The following NCAM1 variants were observed in gnomAD, a reference collection of about 807,000 sequenced individuals.
NCAM1 encodes the protein neural cell adhesion molecule 1.
NCAM1 carries 14 observed loss-of-function variants against 109.8 expected under a neutral mutation model. That is an observed-to-expected ratio of 0.13 (90% CI 0.08 to 0.20). NCAM1 has a LOEUF of 0.20. Among genes scored for constraint, NCAM1 ranks in the 10% least tolerant of loss-of-function variants. The pLI is 1.00. For missense variants in NCAM1, 774 were observed against 1,109.9 expected (o/e 0.70, Z 4.30); for synonymous variants, 418 against 442.9 (o/e 0.94, Z 0.70).
chr11:112,992,786 C>T (rs782564957), intron 1 of NCAM1, among the ~76,000 whole-genome samples: 5 of 152,112 alleles, frequency 3.3e-5, no homozygotes, highest in African/African-American at 1.2e-4. Flanking sequence ...GGATTACAGG[C>T]GTGAGCCACC....
intron 1 of NCAM1, among the ~76,000 whole-genome samples, chr11:113,146,619 ACTAT>A (rs1297502983): frequency 1.3e-5 from 2 of 152,210 alleles, no homozygotes; most frequent in African/African-American, 4.8e-5. Context: ...GCTTGCAGAG[ACTAT>A]CTGTCTATAT....
intron 15 of NCAM1, among the ~76,000 whole-genome samples, chr11:113,255,633 G>T: frequency 7.0e-6 from 1 of 143,784 alleles, no homozygotes. Flanking sequence ...TTCCTAAAAT[G>T]GTGAAAGGAC....
intron 1 of NCAM1, among the ~76,000 whole-genome samples, chr11:113,078,058 G>A (rs187814670): frequency 2.0e-5 from 3 of 152,234 alleles, no homozygotes; most frequent in African/African-American, 2.4e-5. Flanking sequence ...CAATTAGTAC[G>A]ATCTTGGTGG....
intron 1 of NCAM1, among the ~76,000 whole-genome samples, chr11:112,982,336 G>A (rs1047235353): frequency 6.6e-6 from 1 of 151,908 alleles, no homozygotes; most frequent in Non-Finnish European, 1.5e-5. Flanking sequence ...GTGCTAGCTG[G>A]CAATGTATGC....
rs12270060 is a variant in NCAM1 at position 113,062,435 on chromosome 11, C to T, written c.52+100771C>T. Among the ~76,000 whole-genome samples the T allele has an allele frequency of 9.7e-3, 1,481 of 152,170 alleles. 19 individuals are homozygous for T. The highest frequency in any genetic ancestry group is 0.033 in the African/African-American group (1,377 of 41,510). On this transcript the variant is annotated intron_variant, in intron 1 of 19. Coordinates refer to ENST00000316851, the MANE Select transcript of NCAM1 (RefSeq NM_181351.5). ...TACTGAATGCCCGTGATGTTCTGGG[C>T]GCTGGATCTACAGAGAAAAACAAAA...
chr11:113,277,849 T>TAAAAAAAAAAAAA lies in NCAM1; in HGVS notation c.*2477_*2489dup, dbSNP rs56324717. On this transcript the variant is annotated 3_prime_UTR_variant, in exon 20 of 20. Coordinates refer to ENST00000316851, the MANE Select transcript of NCAM1 (RefSeq NM_181351.5). Reference sequence around the variant, plus strand: ...TCTCAGCATGCAAGAGTTTTTCCTTTAAAAAAAAAAAAAAAAAAAAAAAAA... The same window carrying TAAAAAAAAAAAAA: ...TCTCAGCATGCAAGAGTTTTTCCTTTAAAAAAAAAAAAAAAAAAAAAAAAAAAAAAAAAAAAAA... 1.4e-4 allele frequency: 9 copies of TAAAAAAAAAAAAA among 63,250 alleles called. No homozygotes were observed. The highest frequency in any genetic ancestry group is 4.4e-4 in the Admixed American group (2 of 4,550). The allele number at this position is 63,250 out of a possible 1,614,324, so 3.9% of individuals were successfully genotyped here.
intron 1 of NCAM1, among the ~76,000 whole-genome samples, chr11:113,185,079 T>TATAG: frequency 3.2e-4 from 40 of 125,758 alleles, no homozygotes; most frequent in African/African-American, 1.2e-3. Context: ...TATATATATA[T>TATAG]AGAGAGAGAG....
intron 1 of NCAM1, among the ~76,000 whole-genome samples, chr11:113,109,712 G>A (rs1940355284): frequency 6.6e-6 from 1 of 152,120 alleles, no homozygotes; most frequent in African/African-American, 2.4e-5. Flanking sequence ...TCTAGTGCAG[G>A]GAAACTGGGA....
At chr11:113,059,235 ATC>A (rs1953832544) in intron 1 of NCAM1, among the ~76,000 whole-genome samples, 2 of 152,154 alleles carry the variant, frequency 1.3e-5, no homozygotes, top group South Asian at 4.1e-4. Context: ...CTCAACCAAA[ATC>A]TCTTTAAATC....
chr11:113,229,378 A>G (rs1452311878), intron 9 of NCAM1, among the ~76,000 whole-genome samples: 3 of 152,254 alleles, frequency 2.0e-5, no homozygotes, highest in Non-Finnish European at 4.4e-5. Context: ...CAAAACCACA[A>G]TGCCATACTA....
chr11:112,985,715 T>C (rs1425959678), intron 1 of NCAM1, among the ~76,000 whole-genome samples: 1 of 151,900 alleles, frequency 6.6e-6, no homozygotes, highest in Non-Finnish European at 1.5e-5. Flanking sequence ...GTAGTTTGTT[T>C]TTAGTGTATA....
intron 1 of NCAM1, among the ~76,000 whole-genome samples, chr11:113,159,407 A>G (rs1401334748): frequency 6.6e-6 from 1 of 152,180 alleles, no homozygotes; most frequent in African/African-American, 2.4e-5. Context: ...AATATCCAGA[A>G]TTGCAGAAAT....
At position 113,255,947 on chromosome 11, in the gene NCAM1, C is replaced by A; in HGVS notation, c.1899C>A (p.Ile633=). ...EDGNSIKVNL[I]KQDDGGSPIR... Reference sequence around the variant, plus strand: ...GAAACTCTATTAAAGTGAACCTGATCAAGCAGGATGACGGCGGCTCCCCCA... The same window carrying A: ...GAAACTCTATTAAAGTGAACCTGATAAAGCAGGATGACGGCGGCTCCCCCA... The change falls in exon 16 of 20, where the codon ATC becomes ATA. Residue 633 remains isoleucine (I), a synonymous_variant. Coordinates refer to ENST00000316851, the MANE Select transcript of NCAM1 (RefSeq NM_181351.5). The A allele has an allele frequency of 2.5e-6, 4 of 1,609,268 alleles. No homozygotes were observed. The highest frequency in any genetic ancestry group is 3.4e-6 in the Non-Finnish European group (4 of 1,177,948).
intron 1 of NCAM1, among the ~76,000 whole-genome samples, chr11:113,083,049 G>GTTTT (rs11373764): frequency 2.0e-5 from 3 of 148,668 alleles, no homozygotes; most frequent in Non-Finnish European, 3.0e-5. Context: ...AGTGAATGTT[G>GTTTT]TTTTTTTTTT....
At chr11:113,271,132 G>C (rs1242767119) in intron 18 of NCAM1, among the ~76,000 whole-genome samples, 19 of 152,116 alleles carry the variant, frequency 1.2e-4, no homozygotes, top group Non-Finnish European at 4.4e-5. Flanking sequence ...CACTTTGGGA[G>C]GCCGAGATGG....
At chr11:112,964,111 T>C (rs1228780662) in intron 1 of NCAM1, among the ~76,000 whole-genome samples, 2 of 149,844 alleles carry the variant, frequency 1.3e-5, no homozygotes, top group Non-Finnish European at 3.0e-5. Flanking sequence ...TATATATACA[T>C]ATGTATATAT....
chr11:112,991,678 T>G (rs1951460641), intron 1 of NCAM1, among the ~76,000 whole-genome samples: 1 of 152,230 alleles, frequency 6.6e-6, no homozygotes, highest in Non-Finnish European at 1.5e-5. Context: ...TCCCGAATTT[T>G]AAATTTTACT....
intron 1 of NCAM1, among the ~76,000 whole-genome samples, chr11:113,078,099 GT>G (rs1437640468): frequency 2.0e-5 from 3 of 152,146 alleles, no homozygotes; most frequent in Non-Finnish European, 2.9e-5. Context: ...TTCTCTCCCA[GT>G]TTTAGAACCT....
At chr11:113,198,367 A>G (rs1260120669) in intron 1 of NCAM1, among the ~76,000 whole-genome samples, 4 of 150,980 alleles carry the variant, frequency 2.6e-5, no homozygotes, top group Non-Finnish European at 5.9e-5. Flanking sequence ...GCAACTTGAT[A>G]TTAGAATTTT....
Sources: allele counts gnomAD v4.1 joint callset (sites outside exome capture counted in the v4.1 genomes callset), GRCh38; gene constraint gnomAD v4.1.1; transcripts MANE v1.5; gene names NCBI Gene and HGNC (gene_info 2026-07-23, HGNC 2026-07-21).